Variants in FAAH observed in about 807,000 individuals in gnomAD.
The protein encoded by FAAH is fatty-acid amide hydrolase 1.
In FAAH, 63 loss-of-function variants were observed where a neutral mutation model predicts 69.7. The observed-to-expected ratio is 0.90, with a 90% CI of 0.74 to 1.12. The LOEUF is 1.12. Ranked by LOEUF, FAAH falls within the 50% of genes most tolerant of loss-of-function variation. The pLI is 0.00. For missense variants in FAAH, 680 were observed against 755.0 expected (o/e 0.90, Z 1.16); for synonymous variants, 305 against 324.2 (o/e 0.94, Z 0.64).
chr1:46,410,938 C>A lies in FAAH; in HGVS notation c.1316+84C>A. 1 of 1,565,506 alleles carries A rather than the reference C, an allele frequency of 6.4e-7. No homozygotes were observed. Among genetic ancestry groups the A allele is most frequent in the Non-Finnish European group, 8.8e-7 (1 of 1,136,300 alleles). ...CTGGGTAGTTTCTGACAGGAAAGGA[C>A]TTGAGGGAAGTAGCCTCTGAGGCTG... On this transcript the variant is annotated intron_variant, in intron 11 of 14. Coordinates refer to ENST00000243167, the MANE Select transcript of FAAH (RefSeq NM_001441.3). This position sits in a 1 kb window ranked among gnomAD's most constrained non-coding sequence, Gnocchi z 4.9.
intron 7 of FAAH, among the ~76,000 whole-genome samples, chr1:46,407,109 G>A (rs901796320): frequency 5.3e-5 from 8 of 151,762 alleles, no homozygotes; most frequent in Admixed American, 3.3e-4. Context: ...CGTGAGCCAG[G>A]GTCTGCAAGC....
chr1:46,403,627 C>T (rs1231920679), intron 2 of FAAH, among the ~76,000 whole-genome samples: 1 of 152,210 alleles, frequency 6.6e-6, no homozygotes, highest in Non-Finnish European at 1.5e-5. Context: ...GGGTGGGGCT[C>T]CTTTACCTGG....
In FAAH at chr1:46,411,086, G is replaced by T. The variant is rs533653386; in HGVS notation, c.1316+232G>T. On this transcript the variant is annotated intron_variant, in intron 11 of 14. Coordinates refer to ENST00000243167, the MANE Select transcript of FAAH (RefSeq NM_001441.3). This position sits in a 1 kb window ranked among gnomAD's most constrained non-coding sequence, Gnocchi z 4.8. ...AGGGGGACAAGAGGATGGGGGAGTT[G>T]GAGGGGAGGAGGTTGACCTGGCTGG... Among the ~76,000 whole-genome samples, 23 of 152,278 alleles carry T rather than the reference G, an allele frequency of 1.5e-4. No individual in the cohort carries two copies. Among genetic ancestry groups the T allele is most frequent in the Non-Finnish European group, 2.8e-4 (19 of 68,026 alleles).
At position 46,405,967 on chromosome 1, in the gene FAAH, C is replaced by G; in HGVS notation, c.786-71C>G. The G allele has an allele frequency of 6.2e-7, 1 of 1,613,542 alleles. No individual in the cohort carries two copies. The highest frequency in any genetic ancestry group is 8.5e-7 in the Non-Finnish European group (1 of 1,179,904). On this transcript the variant is annotated intron_variant, in intron 5 of 14. Transcript: ENST00000243167. The surrounding 1 kb of genome is among the most constrained non-coding windows in gnomAD (Gnocchi z 4.1). ...TTTCCAAAGCGGTGAGTGTTCAGAG[C>G]TGCTCTGTGGGTGTGGGGATGGCGG...
At chr1:46,412,700 A>G (rs1305970940) in intron 13 of FAAH, among the ~76,000 whole-genome samples, 1 of 151,520 alleles carries the variant, frequency 6.6e-6, no homozygotes, top group Non-Finnish European at 1.5e-5. Flanking sequence ...AGTCCTGGCT[A>G]CTCGGGGGGC....
In FAAH at chr1:46,402,162, A is replaced by G; in HGVS notation, c.267A>G (p.Arg89=). 6.2e-7 allele frequency: 1 copy of G among 1,609,454 alleles called. No individual in the cohort carries two copies. ...AGCTGGTGCAGAAGTTACACAGTAG[A>G]GAGCTGGCCCCTGAGGCCGTGCTCT... is the stretch of plus-strand genomic sequence containing the variant. The part of the protein sequence containing the change: ...LPQLVQKLHS[R]ELAPEAVLFT... The change falls in exon 2 of 15, where the codon AGA becomes AGG. Residue 89 remains arginine (R), a synonymous_variant. Transcript: ENST00000243167.
At chr1:46,408,403 C>T in intron 7 of FAAH, 56 bp from the exon 8 acceptor site, 1 of 1,613,054 alleles carries the variant, frequency 6.2e-7, no homozygotes, top group Non-Finnish European at 8.5e-7. Context: ...CTCTAGGGGT[C>T]CTGCCTAGGG....
At position 46,410,530 on chromosome 1, in the gene FAAH, G is replaced by C. The variant is rs755734838; in HGVS notation, c.1275+33G>C. ...CACAAGGAGTGGAGGGGCTAGGATG[G>C]CTGGGGGGGAACCTAGGGCCTCCTA... On this transcript the variant is annotated intron_variant, in intron 10 of 14. Transcript: ENST00000243167. The surrounding 1 kb of genome is among the most constrained non-coding windows in gnomAD (Gnocchi z 4.9). 1.3e-6 allele frequency: 2 copies of C among 1,586,066 alleles called. No homozygotes were observed. The highest frequency in any genetic ancestry group is 1.7e-6 in the Non-Finnish European group (2 of 1,155,240).
Position 46,409,100 on chromosome 1 carries a change from G to A in FAAH, c.1078-1G>A, listed in dbSNP as rs1404405044. 2.0e-5 allele frequency: 32 copies of A among 1,613,708 alleles called. No individual in the cohort carries two copies. The highest frequency in any genetic ancestry group is 2.5e-5 in the Non-Finnish European group (30 of 1,179,778). On this transcript the variant is annotated splice_acceptor_variant, in intron 8 of 14. Transcript: ENST00000243167. LOFTEE classifies it high-confidence loss of function. ...GGCCTTACACCCCTCAATCCCTGCA[G>A]CTGGTTCCCTTCTTGCCAAGCAACA...
rs748344471 is a variant in FAAH at position 46,405,151 on chromosome 1, A to T, written c.444+3A>T. On this transcript the variant is annotated splice_donor_region_variant and intron_variant, in intron 3 of 14. Coordinates refer to ENST00000243167, the MANE Select transcript of FAAH (RefSeq NM_001441.3). The surrounding 1 kb of genome is among the most constrained non-coding windows in gnomAD (Gnocchi z 4.1). Reference sequence around the variant, plus strand: ...TCAAGGAGTGCTTCACCTACAAGGTATGCTCTGCCTCAGCGCCAGGCCTCC... The same window carrying T: ...TCAAGGAGTGCTTCACCTACAAGGTTTGCTCTGCCTCAGCGCCAGGCCTCC... The T allele has an allele frequency of 6.2e-7, 1 of 1,613,664 alleles. No individual in the cohort carries two copies. Among genetic ancestry groups the T allele is most frequent in the Non-Finnish European group, 8.5e-7 (1 of 1,180,042 alleles).
chr1:46,401,139 G>T (rs1664696514), intron 1 of FAAH, among the ~76,000 whole-genome samples: 1 of 112,004 alleles, frequency 8.9e-6, no homozygotes, highest in Non-Finnish European at 1.9e-5. Flanking sequence ...GGGGGAGTAG[G>T]GGGAGGGGAG....
rs1348865425 is a variant in FAAH at position 46,404,003 on chromosome 1, G to A, written c.310-1011G>A. On this transcript the variant is annotated intron_variant, in intron 2 of 14. Coordinates refer to ENST00000243167, the MANE Select transcript of FAAH (RefSeq NM_001441.3). The surrounding 1 kb of genome is among the most constrained non-coding windows in gnomAD (Gnocchi z 4.5). Reference sequence around the variant, plus strand: ...GGCCTGCATGATTTCTTGAAAGGGTGTGGGACAGTGAGTGTGACCCCTAGG... The same window carrying A: ...GGCCTGCATGATTTCTTGAAAGGGTATGGGACAGTGAGTGTGACCCCTAGG... Among the ~76,000 whole-genome samples, 2 of 152,252 alleles carry A rather than the reference G, an allele frequency of 1.3e-5. No individual in the cohort carries two copies. The highest frequency in any genetic ancestry group is 4.8e-5 in the African/African-American group (2 of 41,482).
In FAAH at chr1:46,410,622, C is replaced by G; in HGVS notation, c.1275+125C>G. The G allele has an allele frequency of 9.3e-7, 1 of 1,075,260 alleles. No homozygotes were observed. The highest frequency in any genetic ancestry group is 1.3e-5 in the South Asian group (1 of 77,610). 66.6% of individuals were successfully genotyped at this position (1,075,260 alleles called of 1,614,324 possible). On this transcript the variant is annotated intron_variant, in intron 10 of 14. Coordinates refer to ENST00000243167, the MANE Select transcript of FAAH (RefSeq NM_001441.3). The surrounding 1 kb of genome is among the most constrained non-coding windows in gnomAD (Gnocchi z 4.9). ...GGGCAGGCATGGCCTCCTCTTCTCT[C>G]CAGTCCCCACCCAGACTGCTCTCCT...
At chr1:46,396,130 G>A (rs1434111964) in intron 1 of FAAH, among the ~76,000 whole-genome samples, 1 of 152,116 alleles carries the variant, frequency 6.6e-6, no homozygotes, top group African/African-American at 2.4e-5. Context: ...AAACATGTGA[G>A]CAAAGGACTC....
intron 2 of FAAH, 73 bp downstream of exon 2, chr1:46,402,277 C>T (rs1664717958): frequency 6.3e-6 from 8 of 1,269,826 alleles, no homozygotes; most frequent in Non-Finnish European, 9.0e-6. Flanking sequence ...CCTTTCCCCT[C>T]CCTCTGTCCG....
Position 46,412,132 on chromosome 1 carries a change from G to GGACACA in FAAH, c.1357-11_1357-10insGACACA. 6.4e-7 allele frequency: 1 copy of GGACACA among 1,552,212 alleles called. No individual in the cohort carries two copies. Among genetic ancestry groups the GGACACA allele is most frequent in the Non-Finnish European group, 8.7e-7 (1 of 1,146,784 alleles). On this transcript the variant is annotated splice_polypyrimidine_tract_variant and intron_variant, in intron 12 of 14. Coordinates refer to ENST00000243167, the MANE Select transcript of FAAH (RefSeq NM_001441.3). ...TGAGTGCTTTCACCTGGTGTGTTGT[G>GGACACA]TCCTCCGCAGGTGTACCGCAAAACC...
rs1664894141 is a variant in FAAH, at chr1:46,410,552, C to T, written c.1275+55C>T. On this transcript the variant is annotated intron_variant, in intron 10 of 14. Transcript: ENST00000243167. The surrounding 1 kb of genome is among the most constrained non-coding windows in gnomAD (Gnocchi z 4.9). ...ATGGCTGGGGGGGAACCTAGGGCCT[C>T]CTATCGCATGATCCCCCATGGCCTC... The T allele has an allele frequency of 1.3e-6, 2 of 1,512,826 alleles. No homozygotes were observed. The highest frequency in any genetic ancestry group is 1.4e-5 in the African/African-American group (1 of 72,714). 93.7% of individuals were successfully genotyped at this position (1,512,826 alleles called of 1,614,324 possible).
chr1:46,413,253 C>G, intron 14 of FAAH, 33 bp downstream of exon 14: 2 of 1,613,880 alleles, frequency 1.2e-6, no homozygotes, highest in Non-Finnish European at 1.7e-6. Flanking sequence ...ACTGGACTCA[C>G]TCCCCACCCT....
Position 46,394,516 on chromosome 1 carries a change from C to CA in FAAH, c.169dup (p.Arg57LysfsTer33), listed in dbSNP as rs1664561719. ...AGCGAGCGGGCCTGGAGAACATGGA[C>CA]AGGGCGGCGCAGCGCTTCCGGCTCC... On this transcript the variant is annotated frameshift_variant, in exon 1 of 15. Coordinates refer to ENST00000243167, the MANE Select transcript of FAAH (RefSeq NM_001441.3). LOFTEE classifies it high-confidence loss of function. 1 of 1,381,944 alleles carries CA rather than the reference C, an allele frequency of 7.2e-7. No homozygotes were observed. Among genetic ancestry groups the CA allele is most frequent in the Non-Finnish European group, 9.3e-7 (1 of 1,074,434 alleles). The allele number at this position is 1,381,944 out of a possible 1,614,324, so 85.6% of individuals were successfully genotyped here. A position where few individuals can be genotyped will look rare whatever the true frequency, so the allele number is the denominator to read the frequency against.
Sources: gnomAD v4.1 joint callset for allele counts (sites outside exome capture counted in the v4.1 genomes callset) on GRCh38, gnomAD v4.1.1 for gene constraint, Gnocchi (gnomAD v3.1) non-coding constraint, MANE v1.5 for transcripts, NCBI Gene and HGNC (gene_info 2026-07-23, HGNC 2026-07-21) for gene names.